The following HPSE2 variants were observed in gnomAD, a reference collection of about 807,000 sequenced individuals.
HPSE2 encodes heparanase 2 (inactive).
A neutral mutation model predicts 60.5 loss-of-function variants in HPSE2; 38 were observed. The ratio of observed to expected loss-of-function variants is 0.63; its 90% CI spans 0.48 to 0.82. HPSE2 has a LOEUF of 0.82. Among genes scored for constraint, HPSE2 ranks in the 40% least tolerant of loss-of-function variants. The probability of loss-of-function intolerance (pLI) is 0.00; values close to 1 mark genes in which losing one functional copy is unlikely to be tolerated. For missense variants in HPSE2, 713 were observed against 740.4 expected (o/e 0.96, Z 0.43); for synonymous variants, 295 against 293.2 (o/e 1.01, Z -0.06).
chr10:98,620,132 T>C (rs1946033029), intron 8 of HPSE2, among the ~76,000 whole-genome samples: 1 of 152,228 alleles, frequency 6.6e-6, no homozygotes, highest in South Asian at 2.1e-4. Flanking sequence ...CAGACAGCGG[T>C]AAGCACCGTA....
intron 3 of HPSE2, among the ~76,000 whole-genome samples, chr10:98,926,177 C>T (rs578222576): frequency 4.6e-5 from 7 of 152,130 alleles, no homozygotes; most frequent in African/African-American, 1.4e-4. Flanking sequence ...GCCATAGTAA[C>T]TTATTGAATG....
At chr10:99,094,902 T>C (rs967180004) in intron 3 of HPSE2, among the ~76,000 whole-genome samples, 1 of 151,900 alleles carries the variant, frequency 6.6e-6, no homozygotes, top group Non-Finnish European at 1.5e-5. Flanking sequence ...TTAGAAAAGT[T>C]TGGAGCTGGT....
intron 7 of HPSE2, among the ~76,000 whole-genome samples, chr10:98,630,320 C>A (rs1264092910): frequency 4.6e-5 from 7 of 151,946 alleles, no homozygotes; most frequent in African/African-American, 1.7e-4. Flanking sequence ...GCCTCAGCCT[C>A]CCCAGTAGCT....
At chr10:99,218,652 T>C (rs1849214379) in intron 2 of HPSE2, among the ~76,000 whole-genome samples, 1 of 152,234 alleles carries the variant, frequency 6.6e-6, no homozygotes, top group South Asian at 2.1e-4. Context: ...ATTTCATAAA[T>C]GTAAGTTTTC....
At chr10:99,124,700 C>G (rs1438964068) in intron 3 of HPSE2, among the ~76,000 whole-genome samples, 1 of 152,254 alleles carries the variant, frequency 6.6e-6, no homozygotes, top group Non-Finnish European at 1.5e-5. Flanking sequence ...CATGGCAAGG[C>G]CAGACAGCAG....
At chr10:98,966,781 T>C (rs1445259529) in intron 3 of HPSE2, among the ~76,000 whole-genome samples, 1 of 152,212 alleles carries the variant, frequency 6.6e-6, no homozygotes, top group Non-Finnish European at 1.5e-5. Flanking sequence ...AAGAGAGAAC[T>C]TGCAATGCAC....
intron 7 of HPSE2, among the ~76,000 whole-genome samples, chr10:98,628,193 G>GT (rs1946268319): frequency 1.3e-5 from 2 of 152,200 alleles, no homozygotes; most frequent in South Asian, 4.1e-4. Context: ...TATGAACTCT[G>GT]TATCTTCCAT....
intron 2 of HPSE2, among the ~76,000 whole-genome samples, chr10:99,201,541 T>A (rs1331151142): frequency 6.6e-6 from 1 of 152,138 alleles, no homozygotes; most frequent in East Asian, 1.9e-4. Flanking sequence ...TCTTCCACAA[T>A]CTGATCTCAA....
intron 4 of HPSE2, among the ~76,000 whole-genome samples, chr10:98,722,982 C>G (rs1410061841): frequency 2.0e-5 from 3 of 152,114 alleles, no homozygotes; most frequent in Non-Finnish European, 4.4e-5. Flanking sequence ...ATTGCCCTGG[C>G]CAGAACTTCT....
chr10:99,020,143 C>G (rs1183685309), intron 3 of HPSE2, among the ~76,000 whole-genome samples: 2 of 152,120 alleles, frequency 1.3e-5, no homozygotes, highest in African/African-American at 4.8e-5. Context: ...ATAAATTTTT[C>G]ATAATTACTT....
chr10:99,173,571 T>C (rs1441811497), intron 2 of HPSE2, among the ~76,000 whole-genome samples: 1 of 152,160 alleles, frequency 6.6e-6, no homozygotes, highest in Non-Finnish European at 1.5e-5. Context: ...AAATTAGATC[T>C]GAAAAGTGTT....
At chr10:98,521,899 C>T (rs1333844392) in intron 9 of HPSE2, among the ~76,000 whole-genome samples, 1 of 151,994 alleles carries the variant, frequency 6.6e-6, no homozygotes, top group Non-Finnish European at 1.5e-5. Context: ...AACCAAATAC[C>T]ACATGTTCTC....
chr10:99,246,511 C>G, the HPSE2 span, among the ~76,000 whole-genome samples: 3 of 152,190 alleles, frequency 2.0e-5, no homozygotes, highest in African/African-American at 7.2e-5. Flanking sequence ...CTTTGGGAGG[C>G]CAAGGCAAGC....
the HPSE2 span, among the ~76,000 whole-genome samples, chr10:99,315,470 T>C: frequency 6.6e-6 from 1 of 151,980 alleles, no homozygotes; most frequent in Non-Finnish European, 1.5e-5. Context: ...AGTTTAACAA[T>C]GGAAGGAAGA....
intron 3 of HPSE2, among the ~76,000 whole-genome samples, chr10:98,867,452 TC>T (rs1430012915): frequency 6.8e-4 from 104 of 152,206 alleles, no homozygotes; most frequent in African/African-American, 2.5e-3. Context: ...TGAGATATCA[TC>T]TCATTCCAGT....
chr10:98,898,454 G>C (rs1178699823), intron 3 of HPSE2, among the ~76,000 whole-genome samples: 1 of 152,096 alleles, frequency 6.6e-6, no homozygotes, highest in African/African-American at 2.4e-5. Context: ...CGCATACTAA[G>C]TAAAAGAAAC....
chr10:98,803,984 C>G (rs968898592), intron 3 of HPSE2, among the ~76,000 whole-genome samples: 8 of 151,716 alleles, frequency 5.3e-5, no homozygotes, highest in Non-Finnish European at 7.4e-5. Context: ...TGTTTGTATC[C>G]TCTTTTATTT....
Position 99,109,969 on chromosome 10 carries a change from A to T in HPSE2, c.610+34269T>A, listed in dbSNP as rs547678076. Reference sequence around the variant, plus strand: ...TGATGTGAGGTGGGTGAGGGAGGAAATAAAAATTATTTAAGGAAGGCAGAC... The same window carrying T: ...TGATGTGAGGTGGGTGAGGGAGGAATTAAAAATTATTTAAGGAAGGCAGAC... On this transcript the variant is annotated intron_variant, in intron 3 of 11. Coordinates refer to ENST00000370552, the MANE Select transcript of HPSE2 (RefSeq NM_021828.5). Among the ~76,000 whole-genome samples, 7 of 152,282 alleles carry T rather than the reference A, an allele frequency of 4.6e-5. No homozygotes were observed. In the East Asian group the frequency reaches 1.4e-3, roughly 29 times the overall value.
intron 3 of HPSE2, among the ~76,000 whole-genome samples, chr10:99,125,610 C>G (rs1374161868): frequency 6.6e-6 from 1 of 152,210 alleles, no homozygotes; most frequent in East Asian, 1.9e-4. Context: ...CATGCCACTG[C>G]AAATTCTCCA....
Sources: gnomAD v4.1 joint callset for allele counts (sites outside exome capture counted in the v4.1 genomes callset) on GRCh38, gnomAD v4.1.1 for gene constraint, MANE v1.5 for transcripts, NCBI Gene and HGNC (gene_info 2026-07-23, HGNC 2026-07-21) for gene names.